LRRC4C: variants seen among roughly 807,000 people sequenced by gnomAD.
LRRC4C encodes the protein leucine rich repeat containing 4C.
In LRRC4C, 5 loss-of-function variants were observed where a neutral mutation model predicts 33.6. The ratio of observed to expected loss-of-function variants is 0.15; its 90% CI spans 0.08 to 0.31. The LOEUF is 0.31. Ranked by LOEUF, LRRC4C falls within the 10% of genes least tolerant of loss-of-function variation. LRRC4C has a pLI of 1.00. For missense variants in LRRC4C, 560 were observed against 796.7 expected (o/e 0.70, Z 3.58); for synonymous variants, 329 against 302.0 (o/e 1.09, Z -0.93).
intron 3 of LRRC4C, among the ~76,000 whole-genome samples, chr11:40,486,519 G>A (rs561325419): frequency 2.0e-4 from 30 of 152,142 alleles, no homozygotes; most frequent in African/African-American, 6.7e-4. Context: ...AAAAAATACT[G>A]TGTAAGAATT....
chr11:41,361,536 C>CT (rs1952355929), intron 1 of LRRC4C, among the ~76,000 whole-genome samples: 1 of 152,138 alleles, frequency 6.6e-6, no homozygotes, highest in Non-Finnish European at 1.5e-5. Flanking sequence ...TCAGATAGTT[C>CT]TAGTCACTAA....
intron 1 of LRRC4C, among the ~76,000 whole-genome samples, chr11:41,103,474 G>A (rs1941316172): frequency 6.6e-6 from 1 of 150,564 alleles, no homozygotes; most frequent in Non-Finnish European, 1.5e-5. Flanking sequence ...TTCATAATGT[G>A]TCTGTTGAAG....
intron 2 of LRRC4C, among the ~76,000 whole-genome samples, chr11:40,661,372 AG>A (rs1943425532): frequency 6.6e-6 from 1 of 152,218 alleles, no homozygotes; most frequent in African/African-American, 2.4e-5. Context: ...AGATGTGCAA[AG>A]CATATGATAT....
chr11:41,400,829 GTTTA>G (rs561401293), intron 1 of LRRC4C, among the ~76,000 whole-genome samples: 258 of 151,964 alleles, frequency 1.7e-3, no homozygotes, highest in African/African-American at 5.2e-3. Context: ...TCTTACTAGA[GTTTA>G]TTTAAGGTTT....
At position 41,316,145 on chromosome 11, in the gene LRRC4C, G is replaced by A. The variant is rs573886138; in HGVS notation, c.-496+143286C>T. ...GCTCAGGAGTATACATGATACCAAA[G>A]ACAGTATAGTCTTTTTTACAATGAG... On this transcript the variant is annotated intron_variant, in intron 1 of 6. Transcript: ENST00000528697. Among the ~76,000 whole-genome samples, 459 of 151,124 alleles carry A rather than the reference G, an allele frequency of 3.0e-3. 1 individual carries two copies. Among genetic ancestry groups the A allele is most frequent in the Non-Finnish European group, 4.7e-3 (320 of 67,906 alleles).
At position 40,737,010 on chromosome 11, in the gene LRRC4C, G is replaced by A. The variant is rs149762203; in HGVS notation, c.-406-88732C>T. Among the ~76,000 whole-genome samples the A allele has an allele frequency of 3.4e-3, 519 of 151,928 alleles. 1 individual carries two copies. Among genetic ancestry groups the A allele is most frequent in the African/African-American group, 6.7e-3 (276 of 41,458 alleles). On this transcript the variant is annotated intron_variant, in intron 2 of 6. Transcript: ENST00000528697. ...GAAGCTCTTTAGTTTAATTAGATTC[G>A]TTTTGTCAATTTTGGCTTTGGTTGC...
intron 2 of LRRC4C, among the ~76,000 whole-genome samples, chr11:40,795,759 T>G (rs1022439645): frequency 1.3e-5 from 2 of 152,110 alleles, no homozygotes; most frequent in Non-Finnish European, 2.9e-5. Context: ...TTGTCAAAAA[T>G]TTCAAAAGAT....
chr11:40,943,707 C>G (rs1489069620), intron 1 of LRRC4C, among the ~76,000 whole-genome samples: 1 of 152,172 alleles, frequency 6.6e-6, no homozygotes, highest in Non-Finnish European at 1.5e-5. Flanking sequence ...AAGGCTATCT[C>G]TCCTGTCGGG....
intron 3 of LRRC4C, among the ~76,000 whole-genome samples, chr11:40,468,910 T>C (rs1033011388): frequency 6.6e-6 from 1 of 152,222 alleles, no homozygotes; most frequent in African/African-American, 2.4e-5. Context: ...AGTAATATTA[T>C]TTTGCATTTA....
chr11:40,316,859 T>C (rs1945598547), intron 4 of LRRC4C, among the ~76,000 whole-genome samples: 1 of 151,864 alleles, frequency 6.6e-6, no homozygotes, highest in Non-Finnish European at 1.5e-5. Context: ...GATAAACTCT[T>C]TAGGATAGAC....
chr11:40,541,118 A>C (rs1168658074), intron 3 of LRRC4C, among the ~76,000 whole-genome samples: 2 of 152,180 alleles, frequency 1.3e-5, no homozygotes, highest in Non-Finnish European at 2.9e-5. Context: ...ATAATTACTA[A>C]TGTTACAGAA....
chr11:40,217,947 A>G (rs1864095133), intron 5 of LRRC4C, among the ~76,000 whole-genome samples: 1 of 152,174 alleles, frequency 6.6e-6, no homozygotes, highest in African/African-American at 2.4e-5. Flanking sequence ...AGGGGGCATT[A>G]TAATATCCCT....
rs907396317 is a variant in LRRC4C, at chr11:40,140,860, A to C, written c.-95-7T>G. 6.6e-6 allele frequency: 1 copy of C among 151,974 alleles called. No homozygotes were observed. Among genetic ancestry groups the C allele is most frequent in the African/African-American group, 2.4e-5 (1 of 41,278 alleles). The allele number at this position is 151,974 out of a possible 1,614,324, so 9.4% of individuals were successfully genotyped here. On this transcript the variant is annotated splice_region_variant and splice_polypyrimidine_tract_variant and intron_variant, in intron 5 of 6. Transcript: ENST00000528697. Reference sequence around the variant, plus strand: ...AGGCAGTGCGTTTGCCAATCTAAAAAAAAAAAAAAAAGAAAAGAAAAGAAA... The same window carrying C: ...AGGCAGTGCGTTTGCCAATCTAAAACAAAAAAAAAAAGAAAAGAAAAGAAA...
intron 2 of LRRC4C, among the ~76,000 whole-genome samples, chr11:40,825,973 T>C (rs1404468339): frequency 6.8e-6 from 1 of 146,164 alleles, no homozygotes; most frequent in Non-Finnish European, 1.5e-5. Flanking sequence ...ATTCAATGAG[T>C]ACAGGAGGAT....
chr11:41,372,284 G>A (rs1952779993), intron 1 of LRRC4C, among the ~76,000 whole-genome samples: 1 of 152,216 alleles, frequency 6.6e-6, no homozygotes, highest in South Asian at 2.1e-4. Flanking sequence ...ACCACGAATG[G>A]AAAGAGGAAC....
intron 1 of LRRC4C, among the ~76,000 whole-genome samples, chr11:41,011,822 ATATATTATAT>A (rs55785708): frequency 2.8e-5 from 4 of 141,734 alleles, no homozygotes; most frequent in Admixed American, 7.2e-5. Context: ...ATTCTATGTT[ATATATTATAT>A]TATATTATAT....
chr11:40,582,324 A>G, intron 3 of LRRC4C, among the ~76,000 whole-genome samples: 1 of 152,188 alleles, frequency 6.6e-6, no homozygotes, highest in East Asian at 1.9e-4. Context: ...AGTTTCAAGG[A>G]ACAGATAGTA....
chr11:41,280,949 A>G (rs1388261034), intron 1 of LRRC4C, among the ~76,000 whole-genome samples: 1 of 152,178 alleles, frequency 6.6e-6, no homozygotes, highest in Non-Finnish European at 1.5e-5. Context: ...CGTCACCAAG[A>G]TAACAGAAAA....
intron 1 of LRRC4C, among the ~76,000 whole-genome samples, chr11:41,066,780 A>T (rs1938273628): frequency 6.6e-6 from 1 of 152,212 alleles, no homozygotes; most frequent in South Asian, 2.1e-4. Context: ...AAAGAAAAGA[A>T]TTTCCAACCC....
Sources: allele counts gnomAD v4.1 joint callset (sites outside exome capture counted in the v4.1 genomes callset), GRCh38; gene constraint gnomAD v4.1.1; transcripts MANE v1.5; gene names NCBI Gene and HGNC (gene_info 2026-07-23, HGNC 2026-07-21).